ZNG1E: variants seen among roughly 807,000 people sequenced by gnomAD.
ZNG1E encodes the protein Zn regulated GTPase metalloprotein activator 1E.
At chr9:65,709,356 TTTA>T in the ZNG1E span, among the ~76,000 whole-genome samples, 10 of 151,336 alleles carry the variant, frequency 6.6e-5, no homozygotes, top group Non-Finnish European at 7.4e-5. Flanking sequence ...AATTTATTTA[TTTA>T]TTATTATTAT....
the ZNG1E span, among the ~76,000 whole-genome samples, chr9:65,684,550 G>GCACGCACACACACACA: frequency 2.3e-5 from 3 of 132,846 alleles, no homozygotes; most frequent in African/African-American, 9.2e-5. Context: ...ACACACGCAC[G>GCACGCACACACACACA]CACACACACA....
At chr9:65,680,934 G>T in the ZNG1E span, among the ~76,000 whole-genome samples, 1 of 152,324 alleles carries the variant, frequency 6.6e-6, no homozygotes, top group African/African-American at 2.4e-5. Context: ...GACTACAGGT[G>T]CCCGCTACCA....
chr9:65,668,657 A>C, the ZNG1E span: 6 of 133,340 alleles, frequency 4.5e-5, no homozygotes, highest in Non-Finnish European at 7.8e-5. Context: ...CAGCCTCCTG[A>C]GTAGCTGGGA....
the ZNG1E span, among the ~76,000 whole-genome samples, chr9:65,681,105 T>G: frequency 1.3e-5 from 2 of 151,302 alleles, no homozygotes; most frequent in Non-Finnish European, 2.9e-5. Flanking sequence ...TTCCTTAGGA[T>G]GAACTAGGGT....
At chr9:65,683,738 C>CAA in the ZNG1E span, among the ~76,000 whole-genome samples, 1 of 152,198 alleles carries the variant, frequency 6.6e-6, no homozygotes, top group Non-Finnish European at 1.5e-5. Context: ...GGTTATTGTA[C>CAA]TTAAAACAAT....
the ZNG1E span, among the ~76,000 whole-genome samples, chr9:65,680,088 GT>G: frequency 6.6e-6 from 1 of 151,172 alleles, no homozygotes; most frequent in African/African-American, 2.4e-5. Flanking sequence ...TTAAACTGTA[GT>G]AAAAAAAAAT....
At chr9:65,687,933 C>T in the ZNG1E span, among the ~76,000 whole-genome samples, 1 of 143,974 alleles carries the variant, frequency 6.9e-6, no homozygotes, top group Admixed American at 7.1e-5. Context: ...CTTCTAAGAA[C>T]ATTTTCCTTG....
At chr9:65,662,386 C>T in the ZNG1E span, among the ~76,000 whole-genome samples, 2 of 152,246 alleles carry the variant, frequency 1.3e-5, no homozygotes, top group African/African-American at 4.8e-5. Context: ...GGTGGGACAA[C>T]TGGCAAAATG....
At chr9:65,714,202 T>TC in the ZNG1E span, among the ~76,000 whole-genome samples, 4 of 148,648 alleles carry the variant, frequency 2.7e-5, no homozygotes, top group Non-Finnish European at 5.9e-5. Context: ...GGTTTTCAGC[T>TC]CCATCAGCTC....
chr9:65,691,061 G>GTGTTT, the ZNG1E span: 2 of 1,375,082 alleles, frequency 1.5e-6, no homozygotes, highest in East Asian at 2.9e-5. Flanking sequence ...TATCTTTCTT[G>GTGTTT]TTTTTTTTTT....
At chr9:65,679,218 AAG>A in the ZNG1E span, 1 of 638,428 alleles carries the variant, frequency 1.6e-6, no homozygotes, top group African/African-American at 2.1e-5. Flanking sequence ...AACATAGTAA[AAG>A]AGTAGCGGTC....
the ZNG1E span, among the ~76,000 whole-genome samples, chr9:65,715,110 T>A: frequency 6.7e-6 from 1 of 149,534 alleles, no homozygotes. Context: ...GTGCGCCGTT[T>A]TTCAAGCCCG....
the ZNG1E span, among the ~76,000 whole-genome samples, chr9:65,702,422 G>C: frequency 6.7e-6 from 1 of 150,084 alleles, no homozygotes; most frequent in African/African-American, 2.5e-5. Context: ...AGGCATAACG[G>C]GTAGAGAGCC....
chr9:65,684,590 G>T, the ZNG1E span, among the ~76,000 whole-genome samples: 1 of 150,224 alleles, frequency 6.7e-6, no homozygotes, highest in Non-Finnish European at 1.5e-5. Flanking sequence ...ACACACACAA[G>T]TAGGTAAATT....
At chr9:65,679,863 CTTT>C in the ZNG1E span, among the ~76,000 whole-genome samples, 1 of 152,092 alleles carries the variant, frequency 6.6e-6, no homozygotes, top group Admixed American at 6.6e-5. Context: ...CAAAAAATGT[CTTT>C]TTTAGGAATT....
chr9:65,714,966 C>G, the ZNG1E span, among the ~76,000 whole-genome samples: 1 of 150,592 alleles, frequency 6.6e-6, no homozygotes, highest in Non-Finnish European at 1.5e-5. Flanking sequence ...CCTAAGCAAG[C>G]CTGGGCAATG....
At chr9:65,682,325 A>T in the ZNG1E span, 1 of 151,312 alleles carries the variant, frequency 6.6e-6, no homozygotes, top group Non-Finnish European at 1.5e-5. Flanking sequence ...TTCACTTTTG[A>T]TAAAATAAGA....
At chr9:65,700,655 T>C in the ZNG1E span, 1 of 102,430 alleles carries the variant, frequency 9.8e-6, no homozygotes, top group Non-Finnish European at 2.0e-5. Context: ...GGATGGTTAA[T>C]TCACTTTCCC....
chr9:65,658,060 T>C, the ZNG1E span, among the ~76,000 whole-genome samples: 4 of 151,274 alleles, frequency 2.6e-5, no homozygotes, highest in Non-Finnish European at 4.4e-5. Context: ...GACCGCACCA[T>C]TGCACTCCAG....
Sources: gnomAD v4.1 joint callset for allele counts (sites outside exome capture counted in the v4.1 genomes callset) on GRCh38, gnomAD v4.1.1 for gene constraint, MANE v1.5 for transcripts, NCBI Gene and HGNC (gene_info 2026-07-23, HGNC 2026-07-21) for gene names.